Variants in FAAH2 observed in about 807,000 individuals in gnomAD.
FAAH2 encodes the protein fatty acid amide hydrolase 2, also known as fatty-acid amide hydrolase 2.
A neutral mutation model predicts 36.9 loss-of-function variants in FAAH2; 60 were observed. The ratio of observed to expected loss-of-function variants is 1.63; its 90% CI spans 1.32 to 2.02. The LOEUF (loss-of-function observed/expected upper bound fraction) is 2.02, where lower values mean the gene tolerates loss of function less well. Among genes scored for constraint, FAAH2 ranks in the 30% most tolerant of loss-of-function variants. The probability of loss-of-function intolerance (pLI) is 0.00; values close to 1 mark genes in which losing one functional copy is unlikely to be tolerated. For missense variants in FAAH2, 689 were observed against 397.5 expected (o/e 1.73, Z -6.23); for synonymous variants, 214 against 143.8 (o/e 1.49, Z -3.49).
chrX:57,345,025 A>C (rs1371235215), intron 5 of FAAH2, among the ~76,000 whole-genome samples: 2 of 110,706 alleles, frequency 1.8e-5, no homozygotes, highest in African/African-American at 6.6e-5. Flanking sequence ...TGTATTCATC[A>C]GGGATATAGT....
intron 10 of FAAH2, among the ~76,000 whole-genome samples, chrX:57,464,235 A>T (rs1602749639): frequency 9.0e-6 from 1 of 110,879 alleles, no homozygotes; most frequent in Admixed American, 9.7e-5. Flanking sequence ...GGATGGGAAC[A>T]TCACATACCG....
intron 8 of FAAH2, among the ~76,000 whole-genome samples, chrX:57,435,363 C>G (rs987323730): frequency 5.4e-5 from 6 of 110,888 alleles, no homozygotes; most frequent in African/African-American, 2.0e-4. Context: ...TAACCTTGAA[C>G]TCAAATGGAT....
the FAAH2 span, among the ~76,000 whole-genome samples, chrX:57,158,047 G>A: frequency 9.1e-6 from 1 of 110,476 alleles, no homozygotes; most frequent in Admixed American, 9.7e-5. Context: ...CCCTTCCTGT[G>A]TCCAAGTGTT....
At chrX:57,246,505 C>A in the FAAH2 span, among the ~76,000 whole-genome samples, 1 of 111,549 alleles carries the variant, frequency 9.0e-6, no homozygotes, top group Non-Finnish European at 1.9e-5. Context: ...AGCAGCACAT[C>A]AAAAAGCTTA....
intron 5 of FAAH2, among the ~76,000 whole-genome samples, chrX:57,350,197 C>G (rs1408849609): frequency 3.6e-5 from 4 of 111,031 alleles, no homozygotes; most frequent in African/African-American, 6.5e-5. Context: ...AAGTCTTTCC[C>G]ATACAAATGC....
the FAAH2 span, among the ~76,000 whole-genome samples, chrX:57,236,772 T>C: frequency 2.7e-5 from 3 of 111,653 alleles, no homozygotes; most frequent in Admixed American, 9.5e-5. Flanking sequence ...ATCAGATGGA[T>C]GGTTTGCAAA....
chrX:57,160,091 A>G, the FAAH2 span, among the ~76,000 whole-genome samples: 6 of 111,894 alleles, frequency 5.4e-5, no homozygotes, highest in African/African-American at 2.0e-4. Context: ...ATCTATTGAG[A>G]TAATCATGTG....
intron 6 of FAAH2, among the ~76,000 whole-genome samples, chrX:57,380,120 A>G (rs2054802699): frequency 9.0e-6 from 1 of 110,938 alleles, no homozygotes; most frequent in Admixed American, 9.6e-5. Context: ...GTTATGGACA[A>G]TCCACCCTTT....
chrX:57,334,058 T>G (rs2053478263), intron 4 of FAAH2, among the ~76,000 whole-genome samples: 1 of 110,500 alleles, frequency 9.0e-6, no homozygotes, highest in South Asian at 3.9e-4. Flanking sequence ...TCACTTGAAG[T>G]TAGGAGCTTG....
At chrX:57,233,468 AAAGG>A in the FAAH2 span, among the ~76,000 whole-genome samples, 1 of 111,457 alleles carries the variant, frequency 9.0e-6, no homozygotes. Flanking sequence ...GCAACATTGT[AAAGG>A]AAGGCTTAAT....
the FAAH2 span, among the ~76,000 whole-genome samples, chrX:57,194,888 A>C: frequency 2.7e-5 from 3 of 111,520 alleles, no homozygotes; most frequent in African/African-American, 9.8e-5. Flanking sequence ...CTCCAGCTCC[A>C]TCCAGTTGCT....
intron 7 of FAAH2, among the ~76,000 whole-genome samples, chrX:57,401,071 C>T (rs1223464085): frequency 1.8e-5 from 2 of 111,293 alleles, no homozygotes; most frequent in Non-Finnish European, 1.9e-5. Context: ...TGCAGTCAGC[C>T]GAGATCATGC....
At chrX:57,298,941 C>G (rs1019196620) in intron 2 of FAAH2, among the ~76,000 whole-genome samples, 1 of 111,225 alleles carries the variant, frequency 9.0e-6, no homozygotes. Context: ...ATAATGGGCT[C>G]TGAAATTGAG....
In FAAH2 at chrX:57,286,764, C is replaced by T. The variant is rs2146759512; in HGVS notation, c.-62C>T. 9.9e-7 allele frequency: 1 copy of T among 1,008,118 alleles called. No homozygotes were observed. Among genetic ancestry groups the T allele is most frequent in the East Asian group, 3.6e-5 (1 of 27,840 alleles). The allele number at this position is 1,008,118 out of a possible 1,213,427, so 83.1% of individuals were successfully genotyped here. A position where few individuals can be genotyped will look rare whatever the true frequency, so the allele number is the denominator to read the frequency against. On this transcript the variant is annotated 5_prime_UTR_variant, in exon 1 of 11. Transcript: ENST00000374900. ...GTCCCTCTTTGCTTAGTACTTTTCT[C>T]GTCCTTTCCCCAGGGTGCACGTAAC...
At chrX:57,348,479 G>C (rs753909640) in intron 5 of FAAH2, among the ~76,000 whole-genome samples, 144 of 110,890 alleles carry the variant, frequency 1.3e-3, no homozygotes, top group Non-Finnish European at 1.9e-3. Flanking sequence ...ACACCCAGGG[G>C]CCCAAGAATT....
chrX:57,217,543 T>C, the FAAH2 span, among the ~76,000 whole-genome samples: 125 of 112,090 alleles, frequency 1.1e-3, no homozygotes, highest in Non-Finnish European at 2.2e-3. Flanking sequence ...AAGGGTGTCT[T>C]TTCCCCACTT....
intron 5 of FAAH2, among the ~76,000 whole-genome samples, chrX:57,353,758 A>G (rs1190095526): frequency 9.2e-6 from 1 of 109,270 alleles, no homozygotes; most frequent in Non-Finnish European, 1.9e-5. Context: ...CTCAACAATG[A>G]TAAAACATTT....
chrX:57,414,533 T>C (rs192702188), intron 7 of FAAH2, among the ~76,000 whole-genome samples: 4 of 112,034 alleles, frequency 3.6e-5, no homozygotes, highest in African/African-American at 1.3e-4. Context: ...GATTTGTGTA[T>C]ATTGGACAAG....
chrX:57,140,395 C>A, the FAAH2 span, among the ~76,000 whole-genome samples: 1 of 83,066 alleles, frequency 1.2e-5, no homozygotes, highest in East Asian at 3.6e-4. Flanking sequence ...AGCTGGCTAA[C>A]ACAGTGAAAC....
Sources: gnomAD v4.1 joint callset for allele counts (sites outside exome capture counted in the v4.1 genomes callset) on GRCh38, gnomAD v4.1.1 for gene constraint, MANE v1.5 for transcripts, NCBI Gene and HGNC (gene_info 2026-07-23, HGNC 2026-07-21) for gene names.